Variants in CDH18 observed in about 807,000 individuals in gnomAD.
The protein encoded by CDH18 is cadherin 18.
Under a neutral mutation model 67.9 loss-of-function variants are expected in CDH18, and 31 were observed. That is an observed-to-expected ratio of 0.46 (90% CI 0.34 to 0.62). The LOEUF is 0.62. Among genes scored for constraint, CDH18 ranks in the 20% least tolerant of loss-of-function variants. CDH18 has a pLI of 0.01. For synonymous variants in CDH18, 362 were observed against 347.2 expected (o/e 1.04, Z -0.48); for missense variants, 890 against 975.5 (o/e 0.91, Z 1.17).
chr5:19,667,492 A>T (rs922089378), intron 5 of CDH18, among the ~76,000 whole-genome samples: 9 of 55,808 alleles, frequency 1.6e-4, no homozygotes, highest in Admixed American at 1.1e-3. Context: ...TATATATGTT[A>T]TATATATATA....
chr5:20,503,067 G>A (rs1428652104), intron 1 of CDH18, among the ~76,000 whole-genome samples: 1 of 152,030 alleles, frequency 6.6e-6, no homozygotes, highest in Non-Finnish European at 1.5e-5. Flanking sequence ...TTAATGTAGT[G>A]CTGCAAATAG....
intron 2 of CDH18, among the ~76,000 whole-genome samples, chr5:20,050,753 T>C (rs1389768149): frequency 6.6e-6 from 1 of 151,808 alleles, no homozygotes; most frequent in African/African-American, 2.4e-5. Flanking sequence ...ATAATTACAG[T>C]CCATTATTAA....
At chr5:19,968,323 C>G (rs1006105599) in intron 2 of CDH18, among the ~76,000 whole-genome samples, 1 of 151,928 alleles carries the variant, frequency 6.6e-6, no homozygotes, top group African/African-American at 2.4e-5. Flanking sequence ...ACTTTCTTCA[C>G]AGAATTGAAA....
chr5:19,653,464 A>T (rs1755867854), intron 5 of CDH18, among the ~76,000 whole-genome samples: 1 of 152,004 alleles, frequency 6.6e-6, no homozygotes, highest in South Asian at 2.1e-4. Flanking sequence ...AATCTTTCTC[A>T]GGTACCATTT....
intron 1 of CDH18, among the ~76,000 whole-genome samples, chr5:20,485,509 T>C (rs1206164123): frequency 6.6e-6 from 1 of 152,178 alleles, no homozygotes; most frequent in Non-Finnish European, 1.5e-5. Context: ...TTGTGCATTA[T>C]AAATATAAGT....
At chr5:20,226,522 T>C (rs1461086093) in intron 2 of CDH18, among the ~76,000 whole-genome samples, 1 of 152,104 alleles carries the variant, frequency 6.6e-6, no homozygotes, top group Non-Finnish European at 1.5e-5. Flanking sequence ...AGATGACTTT[T>C]CAACAGTAAA....
intron 2 of CDH18, among the ~76,000 whole-genome samples, chr5:20,212,111 T>C (rs560694837): frequency 3.3e-5 from 5 of 152,198 alleles, no homozygotes; most frequent in Middle Eastern, 3.4e-3. Flanking sequence ...CTGAAAACCA[T>C]GGCACAGAAC....
chr5:20,535,926 T>C (rs1310098755), intron 1 of CDH18, among the ~76,000 whole-genome samples: 1 of 152,194 alleles, frequency 6.6e-6, no homozygotes, highest in Admixed American at 6.6e-5. Flanking sequence ...AAGGCTGGGC[T>C]GTATTTCACT....
intron 5 of CDH18, among the ~76,000 whole-genome samples, chr5:19,658,630 T>G (rs1383530097): frequency 6.6e-6 from 1 of 152,076 alleles, no homozygotes; most frequent in Non-Finnish European, 1.5e-5. Flanking sequence ...AGCACACTTA[T>G]TTGATACTTT....
chr5:20,450,238 T>C (rs1278621547), intron 1 of CDH18, among the ~76,000 whole-genome samples: 4 of 152,034 alleles, frequency 2.6e-5, no homozygotes, highest in Non-Finnish European at 4.4e-5. Context: ...TCCCAGCTAC[T>C]TGGGAGGCTG....
At chr5:20,488,851 G>C (rs191479376) in intron 1 of CDH18, among the ~76,000 whole-genome samples, 66 of 151,976 alleles carry the variant, frequency 4.3e-4, no homozygotes, top group Non-Finnish European at 1.9e-4. Context: ...TATTTATTAA[G>C]TGCCAACTAT....
At position 19,569,957 on chromosome 5, in the gene CDH18, G is replaced by T. The variant is rs187629059; in HGVS notation, c.1253+1622C>A. Among the ~76,000 whole-genome samples, 712 of 151,996 alleles carry T rather than the reference G, an allele frequency of 4.7e-3. 4 individuals carry two copies. The highest frequency in any genetic ancestry group is 0.025 in the South Asian group (121 of 4,826). On this transcript the variant is annotated intron_variant, in intron 8 of 12. Transcript: ENST00000382275. ...CTTCCTGTTTTTTTAAATAATTACA[G>T]AAATTATCATTAGTATCACCTTTAA...
At chr5:20,239,959 G>A (rs1242569619) in intron 2 of CDH18, among the ~76,000 whole-genome samples, 1 of 151,698 alleles carries the variant, frequency 6.6e-6, no homozygotes, top group Non-Finnish European at 1.5e-5. Flanking sequence ...AATTTACTAA[G>A]TGAATTACAC....
intron 2 of CDH18, among the ~76,000 whole-genome samples, chr5:20,084,944 T>C (rs1224851616): frequency 6.6e-6 from 1 of 152,164 alleles, no homozygotes; most frequent in Non-Finnish European, 1.5e-5. Flanking sequence ...ACCTCTGACA[T>C]GCCCTGGAGA....
chr5:19,618,185 A>G (rs1211104493), intron 5 of CDH18, among the ~76,000 whole-genome samples: 1 of 151,706 alleles, frequency 6.6e-6, no homozygotes, highest in African/African-American at 2.4e-5. Context: ...TAAACTACAC[A>G]TGTGTACTTC....
chr5:19,523,299 C>T (rs1354897074), intron 9 of CDH18, among the ~76,000 whole-genome samples: 2 of 151,950 alleles, frequency 1.3e-5, no homozygotes, highest in East Asian at 3.9e-4. Flanking sequence ...TTTCAAAACA[C>T]AAAATTCACT....
At chr5:20,067,056 TAATA>T (rs1269103752) in intron 2 of CDH18, among the ~76,000 whole-genome samples, 1 of 151,812 alleles carries the variant, frequency 6.6e-6, no homozygotes, top group Non-Finnish European at 1.5e-5. Flanking sequence ...AAAATCACTA[TAATA>T]AATATTTACC....
intron 2 of CDH18, among the ~76,000 whole-genome samples, chr5:19,854,492 T>G (rs542650380): frequency 1.3e-5 from 2 of 152,238 alleles, no homozygotes; most frequent in East Asian, 1.9e-4. Context: ...TCATGTCTCA[T>G]GAAGAACAAT....
At chr5:20,206,196 T>C (rs549566172) in intron 2 of CDH18, among the ~76,000 whole-genome samples, 1 of 151,796 alleles carries the variant, frequency 6.6e-6, no homozygotes, top group African/African-American at 2.4e-5. Flanking sequence ...CATTAGACAC[T>C]ATTGTGCACA....
Sources: gnomAD v4.1 joint callset for allele counts (sites outside exome capture counted in the v4.1 genomes callset) on GRCh38, gnomAD v4.1.1 for gene constraint, MANE v1.5 for transcripts, NCBI Gene and HGNC (gene_info 2026-07-23, HGNC 2026-07-21) for gene names.